Variants in TSHZ2 observed in about 807,000 individuals in gnomAD.
The protein encoded by TSHZ2 is teashirt zinc finger homeobox 2.
Under a neutral mutation model 74.4 loss-of-function variants are expected in TSHZ2, and 21 were observed. That is an observed-to-expected ratio of 0.28 (90% CI 0.20 to 0.41). The LOEUF (loss-of-function observed/expected upper bound fraction) is 0.41, where lower values mean the gene tolerates loss of function less well. TSHZ2 is among the 10% of genes least tolerant of loss of function. The probability of loss-of-function intolerance (pLI) is 1.00; values close to 1 mark genes in which losing one functional copy is unlikely to be tolerated. For missense variants in TSHZ2, 1,244 were observed against 1,293.5 expected (o/e 0.96, Z 0.59); for synonymous variants, 540 against 515.3 (o/e 1.05, Z -0.65).
At chr20:53,187,786 ATTTCTGAGAAAAAGT>A (rs1359785359) in intron 1 of TSHZ2, among the ~76,000 whole-genome samples, 1 of 152,162 alleles carries the variant, frequency 6.6e-6, no homozygotes, top group Non-Finnish European at 1.5e-5. Flanking sequence ...CAGATGGAGC[ATTTCTGAGAAAAAGT>A]GATCTGAGGG....
At chr20:53,317,164 G>A (rs1449013452) in intron 2 of TSHZ2, among the ~76,000 whole-genome samples, 1 of 152,180 alleles carries the variant, frequency 6.6e-6, no homozygotes, top group African/African-American at 2.4e-5. Flanking sequence ...TGATTTCCCA[G>A]AGTGAAAGAA....
At chr20:53,334,814 G>C (rs1030508113) in intron 2 of TSHZ2, among the ~76,000 whole-genome samples, 6 of 152,028 alleles carry the variant, frequency 3.9e-5, no homozygotes, top group Non-Finnish European at 5.9e-5. Context: ...CTCCCGAGTG[G>C]CTGGGACTAC....
intron 2 of TSHZ2, among the ~76,000 whole-genome samples, chr20:53,445,114 G>A (rs936408306): frequency 6.6e-6 from 1 of 152,178 alleles, no homozygotes; most frequent in South Asian, 2.1e-4. Context: ...GGATGAGAGG[G>A]AGAAACTTGA....
chr20:53,327,812 C>T (rs924809343), intron 2 of TSHZ2, among the ~76,000 whole-genome samples: 11 of 152,232 alleles, frequency 7.2e-5, no homozygotes, highest in African/African-American at 2.6e-4. Flanking sequence ...GGCTAGGGAG[C>T]CTGGGTGGAA....
At chr20:53,190,126 TATATATA>T (rs1568803464) in intron 1 of TSHZ2, among the ~76,000 whole-genome samples, 49 of 99,398 alleles carry the variant, frequency 4.9e-4, no homozygotes, top group African/African-American at 1.7e-3. Flanking sequence ...TATATATATA[TATATATA>T]TATATTTTCT....
rs186474782 is a variant in TSHZ2, at chr20:52,979,725, C to T, written c.40+6392C>T. On this transcript the variant is annotated intron_variant, in intron 1 of 2. Coordinates refer to ENST00000371497, the MANE Select transcript of TSHZ2 (RefSeq NM_173485.6). ...GAAAAAGACATCCTCTGGGCACCCT[C>T]AAATATTCTGGGATGCTAAAGTCAT... 1.7e-4 allele frequency among the ~76,000 whole-genome samples: 26 copies of T among 152,244 alleles called. No homozygotes were observed. The East Asian group carries it at 5.0e-3, about 29-fold the overall frequency.
At chr20:53,042,154 T>C (rs1192993157) in intron 1 of TSHZ2, among the ~76,000 whole-genome samples, 1 of 152,240 alleles carries the variant, frequency 6.6e-6, no homozygotes, top group Non-Finnish European at 1.5e-5. Flanking sequence ...TATATAAATA[T>C]AGGTATTTAT....
chr20:53,160,409 G>T (rs1415056227), intron 1 of TSHZ2, among the ~76,000 whole-genome samples: 1 of 152,078 alleles, frequency 6.6e-6, no homozygotes, highest in Non-Finnish European at 1.5e-5. Flanking sequence ...ATCATCTGTT[G>T]TTCAGTTCAG....
rs1010140170 is a variant in TSHZ2 at position 53,055,545 on chromosome 20, A to G, written c.40+82212A>G. On this transcript the variant is annotated intron_variant, in intron 1 of 2. Transcript: ENST00000371497. ...AATTTTTTTGCATGAACTTTGAGTG[A>G]TTTATAGTACCCAGAGGTAATGAAT... 2.6e-5 allele frequency among the ~76,000 whole-genome samples: 4 copies of G among 152,134 alleles called. No homozygotes were observed. In the East Asian group the frequency reaches 7.7e-4, roughly 29 times the overall value.
intron 2 of TSHZ2, among the ~76,000 whole-genome samples, chr20:53,423,857 G>A (rs768799856): frequency 1.4e-4 from 21 of 152,130 alleles, no homozygotes; most frequent in Non-Finnish European, 1.9e-4. Context: ...GGTGAGTTTC[G>A]GGGGATATTT....
chr20:52,980,635 A>G (rs934247663), intron 1 of TSHZ2, among the ~76,000 whole-genome samples: 10 of 152,196 alleles, frequency 6.6e-5, no homozygotes, highest in Non-Finnish European at 1.0e-4. Context: ...GCTTTTAATG[A>G]AAATAGTTAC....
intron 1 of TSHZ2, among the ~76,000 whole-genome samples, chr20:53,105,964 T>C (rs1986351179): frequency 6.6e-6 from 1 of 152,192 alleles, no homozygotes. Context: ...TTATTTTTAA[T>C]TGGCAAATAA....
At chr20:53,304,798 A>T (rs988362763) in intron 2 of TSHZ2, among the ~76,000 whole-genome samples, 2 of 151,714 alleles carry the variant, frequency 1.3e-5, no homozygotes, top group Admixed American at 6.6e-5. Context: ...CGCCCAGCTA[A>T]TTTTTGTATT....
chr20:53,176,569 G>A (rs1407079522), intron 1 of TSHZ2, among the ~76,000 whole-genome samples: 2 of 152,074 alleles, frequency 1.3e-5, no homozygotes, highest in East Asian at 1.9e-4. Flanking sequence ...CGGTACTGGT[G>A]CAAAACTCCC....
chr20:53,463,215 C>T (rs1985434207), intron 2 of TSHZ2, among the ~76,000 whole-genome samples: 1 of 152,086 alleles, frequency 6.6e-6, no homozygotes, highest in Non-Finnish European at 1.5e-5. Context: ...TGTGAAGGAA[C>T]TTAGTCTATC....
chr20:53,376,238 T>C (rs1410304619), intron 2 of TSHZ2, among the ~76,000 whole-genome samples: 1 of 152,190 alleles, frequency 6.6e-6, no homozygotes, highest in African/African-American at 2.4e-5. Context: ...TGGCCAACTG[T>C]CCTGGTTTGC....
chr20:53,159,158 C>G (rs979855814), intron 1 of TSHZ2, among the ~76,000 whole-genome samples: 6 of 152,150 alleles, frequency 3.9e-5, no homozygotes, highest in Non-Finnish European at 7.3e-5. Flanking sequence ...TAAACTGAGT[C>G]CCAGAGAGAT....
intron 1 of TSHZ2, among the ~76,000 whole-genome samples, chr20:53,243,082 A>G (rs1311562861): frequency 1.3e-5 from 2 of 152,186 alleles, no homozygotes; most frequent in African/African-American, 4.8e-5. Flanking sequence ...GGGGGAGGGT[A>G]CAGTGATCAG....
At chr20:53,080,294 G>C (rs1454091456) in intron 1 of TSHZ2, among the ~76,000 whole-genome samples, 1 of 152,150 alleles carries the variant, frequency 6.6e-6, no homozygotes, top group Non-Finnish European at 1.5e-5. Context: ...GCTTCTTACA[G>C]AGTAGTTTTC....
Sources: allele counts gnomAD v4.1 joint callset (sites outside exome capture counted in the v4.1 genomes callset), GRCh38; gene constraint gnomAD v4.1.1; transcripts MANE v1.5; gene names NCBI Gene and HGNC (gene_info 2026-07-23, HGNC 2026-07-21).